The following SMARCC1 variants were observed in gnomAD, a reference collection of about 807,000 sequenced individuals.
The protein encoded by SMARCC1 is SWI/SNF complex subunit SMARCC1.
SMARCC1 carries 43 observed loss-of-function variants against 147.4 expected under a neutral mutation model. The ratio of observed to expected loss-of-function variants is 0.29; its 90% CI spans 0.23 to 0.38. The LOEUF is 0.38. SMARCC1 is among the 10% of genes least tolerant of loss of function. SMARCC1 has a pLI of 1.00. For missense variants in SMARCC1, 1,119 were observed against 1,381.1 expected (o/e 0.81, Z 3.01); for synonymous variants, 495 against 484.4 (o/e 1.02, Z -0.29).
intron 13 of SMARCC1, among the ~76,000 whole-genome samples, chr3:47,687,138 A>G (rs1028494107): frequency 2.0e-5 from 3 of 152,218 alleles, no homozygotes; most frequent in Non-Finnish European, 4.4e-5. Context: ...AACAGTTTCT[A>G]TAAGAATAGT....
intron 21 of SMARCC1, among the ~76,000 whole-genome samples, chr3:47,641,884 G>A (rs779324340): frequency 1.3e-5 from 2 of 152,158 alleles, no homozygotes; most frequent in African/African-American, 2.4e-5. Context: ...TGATCCACCC[G>A]CCTCAGCCTC....
In SMARCC1 at chr3:47,769,920, A is replaced by G. The variant is rs145669553; in HGVS notation, c.315+2897T>C. Among the ~76,000 whole-genome samples the G allele has an allele frequency of 3.2e-4, 48 of 152,250 alleles. 1 individual carries two copies. The highest frequency in any genetic ancestry group is 1.2e-3 in the African/African-American group (48 of 41,562). ...AGGGCAAATCCTAAATGGATAAGAG[A>G]GTGACATGTAAAAATAAGGCTGGGG... On this transcript the variant is annotated intron_variant, in intron 2 of 27. Transcript: ENST00000254480.
At chr3:47,777,371 C>T (rs2034988303) in intron 1 of SMARCC1, among the ~76,000 whole-genome samples, 2 of 151,848 alleles carry the variant, frequency 1.3e-5, no homozygotes, top group Admixed American at 1.3e-4. Context: ...GCGTGAGACA[C>T]CATGCCCGGC....
intron 27 of SMARCC1, 50 bp from the exon 28 acceptor site, chr3:47,588,356 T>C (rs941947720): frequency 1.2e-5 from 18 of 1,539,104 alleles, no homozygotes; most frequent in Non-Finnish European, 1.5e-5. Context: ...TACAAGAGAC[T>C]CAGGAAAGAG....
intron 18 of SMARCC1, among the ~76,000 whole-genome samples, chr3:47,673,397 G>T (rs1221950679): frequency 7.6e-6 from 1 of 131,530 alleles, no homozygotes; most frequent in East Asian, 2.3e-4. Flanking sequence ...AAAAAAAAAG[G>T]GTGGGGGGGG....
In SMARCC1 at chr3:47,673,403, G is replaced by GGT. The variant is rs1553682248; in HGVS notation, c.1839+2071_1839+2072insAC. Among the ~76,000 whole-genome samples, 3 of 133,920 alleles carry GGT rather than the reference G, an allele frequency of 2.2e-5. 1 individual carries two copies. Among genetic ancestry groups the GGT allele is most frequent in the African/African-American group, 7.8e-5 (3 of 38,236 alleles). The allele number at this position is 133,920 out of a possible 152,430, so 87.9% of individuals were successfully genotyped here. A position where few individuals can be genotyped will look rare whatever the true frequency, so the allele number is the denominator to read the frequency against. On this transcript the variant is annotated intron_variant, in intron 18 of 27. Transcript: ENST00000254480. ...TCTGTCTCAAAAAAAAAAGGGTGGGGGGGGGGCAGGCCAGTGGCTCAGGCC... is the reference window on the plus strand; with the variant it reads ...TCTGTCTCAAAAAAAAAAGGGTGGGGGTGGGGGGCAGGCCAGTGGCTCAGGCC...
intron 6 of SMARCC1, among the ~76,000 whole-genome samples, chr3:47,722,965 AATAATTGCAAGAAACACTGGGGTACAG>A (rs2106812814): frequency 6.6e-6 from 1 of 152,308 alleles, no homozygotes; most frequent in African/African-American, 2.4e-5. Context: ...GGGATGACTG[AATAATTGCAAGAAACACTGGGGTACAG>A]AGGTTGTCTC....
intron 10 of SMARCC1, 175 bp from the exon 11 acceptor site, chr3:47,701,577 G>A (rs1250553856): frequency 1.7e-6 from 1 of 583,028 alleles, no homozygotes; most frequent in East Asian, 3.2e-5. Flanking sequence ...CACTTTGGGA[G>A]GCCGAGGCAG....
At chr3:47,723,468 TGTC>T (rs2034260839) in intron 6 of SMARCC1, among the ~76,000 whole-genome samples, 1 of 148,060 alleles carries the variant, frequency 6.8e-6, no homozygotes, top group Non-Finnish European at 1.5e-5. Context: ...AATGAAATTC[TGTC>T]TTAAAAAAAA....
chr3:47,637,807 A>G (rs1241103219), intron 22 of SMARCC1, among the ~76,000 whole-genome samples: 18 of 151,976 alleles, frequency 1.2e-4, no homozygotes, highest in Admixed American at 1.2e-3. Flanking sequence ...TACAGAAGAG[A>G]GATTGAGCCA....
chr3:47,729,835 C>T (rs890892214), intron 5 of SMARCC1, among the ~76,000 whole-genome samples: 1 of 152,164 alleles, frequency 6.6e-6, no homozygotes, highest in Admixed American at 6.6e-5. Context: ...TTCAGACCAC[C>T]GTAATAAAGC....
At position 47,706,484 on chromosome 3, in the gene SMARCC1, G is replaced by C. The variant is rs201549550; in HGVS notation, c.965C>G (p.Ala322Gly). 1 of 1,582,414 alleles carries C rather than the reference G, an allele frequency of 6.3e-7. No individual in the cohort carries two copies. The highest frequency in any genetic ancestry group is 1.9e-5 in the Admixed American group (1 of 53,624). Reference sequence around the variant, plus strand: ...CGAAGGCGAATGTTTCCTCTTTCGAGCATTAGCTGATGCTTTTCTATCTCT... The same window carrying C: ...CGAAGGCGAATGTTTCCTCTTTCGACCATTAGCTGATGCTTTTCTATCTCT... ...ERRDRKASAN[A>G]RKRKHSPSPP... Residue 322 changes from alanine (A) to glycine (G), a missense_variant, in exon 10 of 28, where the codon GCT (alanine) becomes GGT (glycine). Ala to Gly is a moderately conservative substitution (Grantham distance 60, BLOSUM62 0). Transcript: ENST00000254480.
chr3:47,593,234 C>T (rs902011385), intron 26 of SMARCC1, among the ~76,000 whole-genome samples: 4 of 151,376 alleles, frequency 2.6e-5, no homozygotes, highest in South Asian at 2.1e-4. Context: ...CGCTGTGTCG[C>T]GATCCTGGCT....
chr3:47,676,830 G>A (rs759022166), intron 16 of SMARCC1, 48 bp from the exon 17 acceptor site: 1 of 1,522,474 alleles, frequency 6.6e-7, no homozygotes, highest in Non-Finnish European at 9.1e-7. Flanking sequence ...TCAACTTCAT[G>A]TGCTTTTACT....
intron 20 of SMARCC1, among the ~76,000 whole-genome samples, chr3:47,662,015 C>T (rs1446098556): frequency 2.7e-5 from 4 of 146,592 alleles, no homozygotes; most frequent in African/African-American, 7.6e-5. Flanking sequence ...TTTTTTGAGA[C>T]GGAGTCTTGC....
intron 1 of SMARCC1, among the ~76,000 whole-genome samples, chr3:47,780,532 G>A (rs927511908): frequency 6.6e-6 from 1 of 152,058 alleles, no homozygotes; most frequent in Non-Finnish European, 1.5e-5. Context: ...AACACTGACA[G>A]GCTTCACTGA....
At chr3:47,777,625 T>C (rs868382612) in intron 1 of SMARCC1, among the ~76,000 whole-genome samples, 15 of 152,054 alleles carry the variant, frequency 9.9e-5, no homozygotes, top group Middle Eastern at 6.8e-3. Flanking sequence ...CCTCCCAGGT[T>C]TGAGTGATTC....
intron 25 of SMARCC1, among the ~76,000 whole-genome samples, chr3:47,621,214 C>T (rs1269791915): frequency 2.7e-5 from 4 of 150,708 alleles, no homozygotes; most frequent in South Asian, 2.1e-4. Context: ...GCAGGGGCAT[C>T]GCTTGAACCT....
chr3:47,676,896 A>G (rs2033581624), intron 16 of SMARCC1, 114 bp from the exon 17 acceptor site: 4 of 855,444 alleles, frequency 4.7e-6, no homozygotes, highest in South Asian at 1.7e-5. Context: ...TGTGCTCAGC[A>G]GGCTGTCAAA....
Sources: allele counts gnomAD v4.1 joint callset (sites outside exome capture counted in the v4.1 genomes callset), GRCh38; gene constraint gnomAD v4.1.1; transcripts MANE v1.5; gene names NCBI Gene and HGNC (gene_info 2026-07-23, HGNC 2026-07-21).